The following IGSF21 variants were observed in gnomAD, a reference collection of about 807,000 sequenced individuals.
The protein encoded by IGSF21 is immunoglobulin superfamily member 21.
In IGSF21, 28 loss-of-function variants were observed where a neutral mutation model predicts 46.8. That is an observed-to-expected ratio of 0.60 (90% CI 0.44 to 0.82). IGSF21 has a LOEUF of 0.82. Among genes scored for constraint, IGSF21 ranks in the 40% least tolerant of loss-of-function variants. The probability of loss-of-function intolerance (pLI) is 0.00; values close to 1 mark genes in which losing one functional copy is unlikely to be tolerated. For synonymous variants in IGSF21, 284 were observed against 273.6 expected, an observed-to-expected ratio of 1.04 and a Z score of -0.38; for missense variants, 624 against 665.5, an observed-to-expected ratio of 0.94 and a Z score of 0.69.
At chr1:18,211,581 G>A (rs549637307) in intron 1 of IGSF21, among the ~76,000 whole-genome samples, 1 of 152,278 alleles carries the variant, frequency 6.6e-6, no homozygotes, top group Non-Finnish European at 1.5e-5. Context: ...TAGCTTCTGA[G>A]CCCAGCAATT....
rs1234091037 is a variant in IGSF21 at position 18,184,804 on chromosome 1, C to T, written c.71-43094C>T. On this transcript the variant is annotated intron_variant, in intron 1 of 9. Coordinates refer to ENST00000251296, the MANE Select transcript of IGSF21 (RefSeq NM_032880.5). ...CCCTTATATGGAATGTGTGCCCTGT[C>T]TTTGTACTTGGCATGTCAAATCCTC... Among the ~76,000 whole-genome samples the T allele has an allele frequency of 2.0e-5, 3 of 152,324 alleles. No homozygotes were observed. The East Asian group carries it at 5.8e-4, about 29-fold the overall frequency.
At chr1:18,218,215 A>G (rs1267448257) in intron 1 of IGSF21, among the ~76,000 whole-genome samples, 2 of 152,206 alleles carry the variant, frequency 1.3e-5, no homozygotes, top group Admixed American at 6.5e-5. Context: ...CACATCTTAC[A>G]TGGCTGGAGC....
At chr1:18,377,727 T>C (rs189298296) in intron 9 of IGSF21, among the ~76,000 whole-genome samples, 1 of 152,204 alleles carries the variant, frequency 6.6e-6, no homozygotes, top group Admixed American at 6.5e-5. Context: ...TTGATCTCAC[T>C]GCCCATGGCA....
At chr1:18,166,570 C>T (rs1570288533) in intron 1 of IGSF21, among the ~76,000 whole-genome samples, 1 of 152,182 alleles carries the variant, frequency 6.6e-6, no homozygotes, top group African/African-American at 2.4e-5. Context: ...CGCGTAGCTC[C>T]GTGTCTGGCC....
intron 1 of IGSF21, among the ~76,000 whole-genome samples, chr1:18,134,040 A>G (rs2086346461): frequency 6.6e-6 from 1 of 152,214 alleles, no homozygotes; most frequent in Non-Finnish European, 1.5e-5. Context: ...AGTGAGCAGC[A>G]TGGGGAGGTT....
At chr1:18,297,908 G>A (rs1215178281) in intron 3 of IGSF21, among the ~76,000 whole-genome samples, 1 of 152,178 alleles carries the variant, frequency 6.6e-6, no homozygotes, top group Non-Finnish European at 1.5e-5. Flanking sequence ...ATGTGATAGA[G>A]AGGGGTGAGA....
chr1:18,193,714 C>A (rs757865063), intron 1 of IGSF21, among the ~76,000 whole-genome samples: 65 of 143,804 alleles, frequency 4.5e-4, no homozygotes, highest in Middle Eastern at 3.5e-3. Flanking sequence ...TTTGGCAACA[C>A]CCTCACAGAC....
At chr1:18,208,442 C>T (rs1363867292) in intron 1 of IGSF21, among the ~76,000 whole-genome samples, 4 of 138,920 alleles carry the variant, frequency 2.9e-5, no homozygotes, top group Non-Finnish European at 4.7e-5. Flanking sequence ...AGTGCAGTGG[C>T]GCAATCTCGG....
intron 4 of IGSF21, among the ~76,000 whole-genome samples, chr1:18,357,211 G>C (rs2086028440): frequency 6.8e-6 from 1 of 147,762 alleles, no homozygotes; most frequent in Non-Finnish European, 1.5e-5. Flanking sequence ...TGGGGTTGGG[G>C]ATGGGGGTAG....
rs550016421 is a variant in IGSF21 at position 18,131,924 on chromosome 1, AGGGGT to A, written c.70+23729_70+23733del. ...ATCAAGGTGGTAGGGGTGGGGGTTG[AGGGGT>A]GGTTTGCCTTCCAGAGACAACTCTG... On this transcript the variant is annotated intron_variant, in intron 1 of 9. Coordinates refer to ENST00000251296, the MANE Select transcript of IGSF21 (RefSeq NM_032880.5). Among the ~76,000 whole-genome samples the A allele has an allele frequency of 5.9e-5, 9 of 152,240 alleles. No homozygotes were observed. The South Asian group carries it at 1.9e-3, about 32-fold the overall frequency.
At chr1:18,198,771 C>A (rs2087035942) in intron 1 of IGSF21, among the ~76,000 whole-genome samples, 1 of 152,160 alleles carries the variant, frequency 6.6e-6, no homozygotes, top group African/African-American at 2.4e-5. Context: ...AGAGTGACGC[C>A]ACTTCTGTCA....
chr1:18,273,459 TC>T lies in IGSF21; in HGVS notation c.184-18406del, dbSNP rs1557618392. 5.6e-3 allele frequency among the ~76,000 whole-genome samples: 318 copies of T among 56,442 alleles called. 21 individuals carry two copies. Among genetic ancestry groups the T allele is most frequent in the African/African-American group, 0.025 (296 of 11,794 alleles). The allele number at this position is 56,442 out of a possible 152,430, so 37.0% of individuals were successfully genotyped here. A position where few individuals can be genotyped will look rare whatever the true frequency, so the allele number is the denominator to read the frequency against. On this transcript the variant is annotated intron_variant, in intron 2 of 9. Transcript: ENST00000251296. ...CTTTCTTTCTCACTTTCTTTCTTTC[TC>T]TCTCTTTCTTTCTTTCTTTCTTTCT...
intron 1 of IGSF21, among the ~76,000 whole-genome samples, chr1:18,187,048 T>C (rs2124473247): frequency 6.6e-6 from 1 of 152,264 alleles, no homozygotes. Flanking sequence ...TATAACAAAA[T>C]ACTGTAAACT....
At chr1:18,166,175 A>G (rs2086676695) in intron 1 of IGSF21, among the ~76,000 whole-genome samples, 1 of 152,190 alleles carries the variant, frequency 6.6e-6, no homozygotes, top group Non-Finnish European at 1.5e-5. Flanking sequence ...CCACTAACAG[A>G]GTCCCACATA....
intron 2 of IGSF21, among the ~76,000 whole-genome samples, chr1:18,269,049 T>C (rs1473492459): frequency 1.3e-5 from 2 of 152,222 alleles, no homozygotes; most frequent in East Asian, 3.8e-4. Flanking sequence ...CCAAACCTCT[T>C]AATCCAGGAG....
At chr1:18,149,563 C>A (rs1375037479) in intron 1 of IGSF21, among the ~76,000 whole-genome samples, 1 of 151,914 alleles carries the variant, frequency 6.6e-6, no homozygotes, top group Non-Finnish European at 1.5e-5. Flanking sequence ...CTCCCCAGTA[C>A]CGCTCAGCTA....
At chr1:18,350,982 G>A (rs1310923063) in intron 4 of IGSF21, among the ~76,000 whole-genome samples, 1 of 152,044 alleles carries the variant, frequency 6.6e-6, no homozygotes, top group East Asian at 1.9e-4. Context: ...GCACTGACCT[G>A]TGGAAACACG....
At chr1:18,252,044 C>CT (rs1557608067) in intron 2 of IGSF21, among the ~76,000 whole-genome samples, 44 of 98,978 alleles carry the variant, frequency 4.4e-4, no homozygotes, top group South Asian at 8.2e-4. Flanking sequence ...CTGACCAAGG[C>CT]GTTTTTTTTT....
At chr1:18,352,940 A>G (rs2085973044) in intron 4 of IGSF21, among the ~76,000 whole-genome samples, 1 of 152,070 alleles carries the variant, frequency 6.6e-6, no homozygotes, top group Non-Finnish European at 1.5e-5. Context: ...AGATTCCGGC[A>G]ATGACCTGGA....
Sources: allele counts gnomAD v4.1 joint callset (sites outside exome capture counted in the v4.1 genomes callset), GRCh38; gene constraint gnomAD v4.1.1; transcripts MANE v1.5; gene names NCBI Gene and HGNC (gene_info 2026-07-23, HGNC 2026-07-21).